PLPPR5: variants seen among roughly 807,000 people sequenced by gnomAD.
PLPPR5 encodes phospholipid phosphatase-related protein type 5.
In PLPPR5, 16 loss-of-function variants were observed where a neutral mutation model predicts 33.9. The ratio of observed to expected loss-of-function variants is 0.47; its 90% CI spans 0.32 to 0.72. The LOEUF is 0.72. Ranked by LOEUF, PLPPR5 falls within the 30% of genes least tolerant of loss-of-function variation. The pLI, the probability that PLPPR5 is intolerant of heterozygous loss-of-function variation, is 0.03. For missense variants in PLPPR5, 301 were observed against 406.7 expected (o/e 0.74, Z 2.23); for synonymous variants, 163 against 150.3 (o/e 1.08, Z -0.62).
intron 1 of PLPPR5, among the ~76,000 whole-genome samples, chr1:98,980,084 T>G (rs1330340460): frequency 1.3e-5 from 2 of 152,014 alleles, no homozygotes; most frequent in East Asian, 1.9e-4. Context: ...CAAACCCACC[T>G]CAGGCATCAG....
chr1:98,940,078 G>A (rs557838779), intron 3 of PLPPR5, among the ~76,000 whole-genome samples: 9 of 151,992 alleles, frequency 5.9e-5, no homozygotes, highest in African/African-American at 2.2e-4. Flanking sequence ...GGGTTCACAT[G>A]AAGTGAGAGA....
intron 1 of PLPPR5, among the ~76,000 whole-genome samples, chr1:98,983,078 C>T (rs1050720096): frequency 7.8e-5 from 5 of 64,516 alleles, no homozygotes; most frequent in African/African-American, 3.7e-4. Flanking sequence ...CTGCAGAGGG[C>T]ATAAACTCCA....
At position 98,986,002 on chromosome 1, in the gene PLPPR5, G is replaced by A. The variant is rs139426950; in HGVS notation, c.237+18433C>T. 2.5e-3 allele frequency among the ~76,000 whole-genome samples: 382 copies of A among 152,096 alleles called. 1 individual carries two copies. Among genetic ancestry groups the A allele is most frequent in the African/African-American group, 8.5e-3 (355 of 41,544 alleles). ...CTAGTTTGTTTAAGGAACAACTGAA[G>A]TATAATTGTTAAGAATGAGTAAATT... On this transcript the variant is annotated intron_variant, in intron 1 of 5. Coordinates refer to ENST00000263177, the MANE Select transcript of PLPPR5 (RefSeq NM_001037317.2).
chr1:99,004,945 G>T (rs1030980342), upstream of PLPPR5: 1 of 166,456 alleles, frequency 6.0e-6, no homozygotes, highest in Non-Finnish European at 1.3e-5. Context: ...CCCCGGCGCG[G>T]GGTCGCGAGG....
At chr1:98,893,947 T>C (rs1648377265) in intron 5 of PLPPR5, among the ~76,000 whole-genome samples, 1 of 152,046 alleles carries the variant, frequency 6.6e-6, no homozygotes, top group Non-Finnish European at 1.5e-5. Flanking sequence ...CAGAATTTCA[T>C]ATGATGAATG....
At chr1:98,979,798 C>T (rs1287684485) in intron 1 of PLPPR5, among the ~76,000 whole-genome samples, 1 of 151,994 alleles carries the variant, frequency 6.6e-6, no homozygotes, top group Admixed American at 6.6e-5. Context: ...TGAATCTGAC[C>T]AGCCTGCCTC....
chr1:98,925,696 T>TA (rs5776441), intron 3 of PLPPR5, among the ~76,000 whole-genome samples: 107,546 of 151,694 alleles, frequency 0.71, 38,580 homozygotes, highest in East Asian at 0.78. Flanking sequence ...TAAATGGAAA[T>TA]AAAAAAACAC....
intron 4 of PLPPR5, among the ~76,000 whole-genome samples, chr1:98,919,574 T>C (rs1649473353): frequency 6.6e-6 from 1 of 152,130 alleles, no homozygotes; most frequent in South Asian, 2.1e-4. Context: ...CTGTGCCTCG[T>C]CCACATCACC....
chr1:98,987,417 T>C (rs1175670065), intron 1 of PLPPR5, among the ~76,000 whole-genome samples: 1 of 151,882 alleles, frequency 6.6e-6, no homozygotes, highest in African/African-American at 2.4e-5. Context: ...TTATTAGTCA[T>C]AATTTTGGTT....
At chr1:98,922,345 G>T (rs1196740532) in intron 3 of PLPPR5, among the ~76,000 whole-genome samples, 5 of 152,066 alleles carry the variant, frequency 3.3e-5, no homozygotes, top group Admixed American at 2.6e-4. Context: ...TAGTCCAACT[G>T]TCTTTTTTTC....
chr1:98,990,238 G>A (rs778121255), intron 1 of PLPPR5, among the ~76,000 whole-genome samples: 1 of 151,998 alleles, frequency 6.6e-6, no homozygotes, highest in Non-Finnish European at 1.5e-5. Context: ...GCATGGTGGT[G>A]CACGCCAGTA....
At chr1:98,969,024 T>G (rs1460686122) in intron 1 of PLPPR5, among the ~76,000 whole-genome samples, 1 of 152,126 alleles carries the variant, frequency 6.6e-6, no homozygotes, top group Non-Finnish European at 1.5e-5. Flanking sequence ...TCCCAACTAC[T>G]TTCCCTGTAT....
At chr1:98,953,792 C>A (rs1222327188) in intron 2 of PLPPR5, among the ~76,000 whole-genome samples, 1 of 152,158 alleles carries the variant, frequency 6.6e-6, no homozygotes, top group Admixed American at 6.5e-5. Flanking sequence ...CTGATGTTAA[C>A]GCTGCTGGAG....
In PLPPR5 at chr1:98,921,970, G is replaced by A. The variant is rs140848611; in HGVS notation, c.710C>T (p.Thr237Ile). The change falls in exon 4 of 6, where the codon ACT becomes ATT. Residue 237 changes from threonine to isoleucine, a missense_variant. Thr to Ile is a moderately conservative substitution (Grantham distance 89). Transcript: ENST00000263177. ...CLGLMCLAFLTGLNRVAEYRN... is the reference protein window; with the variant it reads ...CLGLMCLAFLIGLNRVAEYRN... ...ATATTCTGCTACTCTGTTGAGTCCA[G>A]TAAGAAATGCCAAACACATTAAGCC... 9.3e-6 allele frequency: 15 copies of A among 1,613,500 alleles called. No individual in the cohort carries two copies. The highest frequency in any genetic ancestry group is 1.3e-5 in the African/African-American group (1 of 74,548).
intron 3 of PLPPR5, among the ~76,000 whole-genome samples, chr1:98,934,201 G>C (rs1489328586): frequency 1.3e-5 from 2 of 152,104 alleles, no homozygotes; most frequent in Admixed American, 6.5e-5. Flanking sequence ...TGCTTTTCTG[G>C]GAACTGGAGC....
At chr1:98,923,411 G>C (rs1325786899) in intron 3 of PLPPR5, among the ~76,000 whole-genome samples, 3 of 151,944 alleles carry the variant, frequency 2.0e-5, no homozygotes. Flanking sequence ...TATTGTCCCT[G>C]GTTAAATAAA....
At chr1:98,914,180 C>T (rs1649254711) in intron 5 of PLPPR5, among the ~76,000 whole-genome samples, 1 of 152,250 alleles carries the variant, frequency 6.6e-6, no homozygotes, top group African/African-American at 2.4e-5. Flanking sequence ...TTTATTTTTC[C>T]TATGTGTGAG....
intron 3 of PLPPR5, among the ~76,000 whole-genome samples, chr1:98,937,602 C>T (rs1650218641): frequency 6.6e-6 from 1 of 152,210 alleles, no homozygotes; most frequent in Admixed American, 6.5e-5. Flanking sequence ...TCTTCACCTT[C>T]TCCTAGCCCA....
chr1:98,940,829 C>T lies in PLPPR5; in HGVS notation c.621+12241G>A, dbSNP rs1272936517. On this transcript the variant is annotated intron_variant, in intron 3 of 5. Coordinates refer to ENST00000263177, the MANE Select transcript of PLPPR5 (RefSeq NM_001037317.2). ...ACAGAATTAATCAGACATCTGGATGCGGGGGTGTGGAAGAGGGAGGAGCTG... is the reference window on the plus strand; with the variant it reads ...ACAGAATTAATCAGACATCTGGATGTGGGGGTGTGGAAGAGGGAGGAGCTG... Among the ~76,000 whole-genome samples, 4 of 151,690 alleles carry T rather than the reference C, an allele frequency of 2.6e-5. 1 individual carries two copies. The highest frequency in any genetic ancestry group is 5.9e-5 in the Non-Finnish European group (4 of 67,908).
Sources: gnomAD v4.1 joint callset for allele counts (sites outside exome capture counted in the v4.1 genomes callset) on GRCh38, gnomAD v4.1.1 for gene constraint, MANE v1.5 for transcripts, NCBI Gene and HGNC (gene_info 2026-07-23, HGNC 2026-07-21) for gene names.